The following SHISA9 variants were observed in gnomAD, a reference collection of about 807,000 sequenced individuals.
The protein encoded by SHISA9 is protein shisa-9.
Under a neutral mutation model 38.0 loss-of-function variants are expected in SHISA9, and 13 were observed. That is an observed-to-expected ratio of 0.34 (90% CI 0.22 to 0.54). The LOEUF (loss-of-function observed/expected upper bound fraction) is 0.54, where lower values mean the gene tolerates loss of function less well. SHISA9 is among the 20% of genes least tolerant of loss of function. SHISA9 has a pLI of 0.91. For synonymous variants in SHISA9, 275 were observed against 242.0 expected (o/e 1.14, Z -1.27); for missense variants, 538 against 575.8 (o/e 0.93, Z 0.67).
the SHISA9 span, among the ~76,000 whole-genome samples, chr16:13,303,627 A>G: frequency 6.6e-6 from 1 of 152,202 alleles, no homozygotes. Flanking sequence ...TAAAGGGTGC[A>G]GGATTCCCTT....
chr16:13,234,541 G>C (rs185166207), intron 4 of SHISA9, among the ~76,000 whole-genome samples: 2 of 152,114 alleles, frequency 1.3e-5, no homozygotes, highest in Admixed American at 6.6e-5. Context: ...ACAAACCAGC[G>C]GAGAAAAATC....
At chr16:13,167,833 C>G (rs994168809) in intron 2 of SHISA9, among the ~76,000 whole-genome samples, 5 of 152,194 alleles carry the variant, frequency 3.3e-5, no homozygotes, top group African/African-American at 1.2e-4. Context: ...ATAAATCACC[C>G]AGTCTCAGGT....
intron 2 of SHISA9, among the ~76,000 whole-genome samples, chr16:13,022,335 A>ATT (rs60728108): frequency 2.7e-5 from 4 of 148,304 alleles, no homozygotes; most frequent in Admixed American, 1.3e-4. Flanking sequence ...CATTAAAAAA[A>ATT]TTTTTTTTTT....
At chr16:13,007,982 A>G (rs1324957711) in intron 2 of SHISA9, among the ~76,000 whole-genome samples, 1 of 152,168 alleles carries the variant, frequency 6.6e-6, no homozygotes, top group Admixed American at 6.5e-5. Context: ...ACTCTCCTAC[A>G]CCAGCTGCAG....
chr16:12,986,272 G>C lies in SHISA9; in HGVS notation c.691+69457G>C, dbSNP rs571845068. Among the ~76,000 whole-genome samples the C allele has an allele frequency of 2.0e-5, 3 of 152,158 alleles. No individual in the cohort carries two copies. The South Asian group carries it at 6.2e-4, about 32-fold the overall frequency. ...TTTTTTCCTTTGGACACAGGGAAAG[G>C]GTCTCCCTCTTTCTTTTCCTCTTTC... On this transcript the variant is annotated intron_variant, in intron 2 of 4. Coordinates refer to ENST00000558583, the MANE Select transcript of SHISA9 (RefSeq NM_001145204.3).
the SHISA9 span, among the ~76,000 whole-genome samples, chr16:13,431,871 G>C: frequency 6.6e-6 from 1 of 152,124 alleles, no homozygotes; most frequent in South Asian, 2.1e-4. Flanking sequence ...GACCAGCCTG[G>C]CCAACATAGA....
At chr16:13,359,314 C>G in the SHISA9 span, among the ~76,000 whole-genome samples, 2 of 151,986 alleles carry the variant, frequency 1.3e-5, no homozygotes, top group African/African-American at 4.8e-5. Context: ...AACCCTGTCT[C>G]TACTAAAAAT....
chr16:13,278,878 A>G, the SHISA9 span, among the ~76,000 whole-genome samples: 1 of 151,552 alleles, frequency 6.6e-6, no homozygotes, highest in East Asian at 1.9e-4. Flanking sequence ...TTTTTGTTTC[A>G]TTTATCTTTT....
intron 2 of SHISA9, among the ~76,000 whole-genome samples, chr16:13,040,841 T>C (rs539150932): frequency 1.3e-5 from 2 of 152,092 alleles, no homozygotes; most frequent in African/African-American, 2.4e-5. Flanking sequence ...TAAGAAAACA[T>C]TGTTTGTTTT....
chr16:13,065,631 T>C (rs1373840135), intron 2 of SHISA9, among the ~76,000 whole-genome samples: 1 of 152,268 alleles, frequency 6.6e-6, no homozygotes, highest in African/African-American at 2.4e-5. Flanking sequence ...AAGTTTCTGT[T>C]GCTAAGGAAG....
chr16:13,299,198 C>T, the SHISA9 span, among the ~76,000 whole-genome samples: 1 of 152,186 alleles, frequency 6.6e-6, no homozygotes, highest in African/African-American at 2.4e-5. Context: ...TACTTTGTGG[C>T]TAAGGGTGTA....
intron 2 of SHISA9, among the ~76,000 whole-genome samples, chr16:13,145,278 A>C (rs1480196259): frequency 3.3e-5 from 5 of 152,190 alleles, no homozygotes; most frequent in Non-Finnish European, 5.9e-5. Context: ...TAATCCTAGC[A>C]CTTTGGGAGG....
chr16:13,363,501 G>A, the SHISA9 span, among the ~76,000 whole-genome samples: 2 of 152,186 alleles, frequency 1.3e-5, no homozygotes, highest in African/African-American at 2.4e-5. Context: ...GTCAGCAGCT[G>A]AACTGGGTTT....
the SHISA9 span, among the ~76,000 whole-genome samples, chr16:13,323,284 G>A: frequency 1.6e-4 from 25 of 152,294 alleles, no homozygotes; most frequent in South Asian, 4.2e-4. Flanking sequence ...CTCATGGCCA[G>A]CAGTCAGAGT....
intron 2 of SHISA9, among the ~76,000 whole-genome samples, chr16:13,000,218 T>A (rs1225183090): frequency 6.6e-6 from 1 of 152,010 alleles, no homozygotes; most frequent in Non-Finnish European, 1.5e-5. Context: ...GGGGACAAGC[T>A]GCTTCAATTC....
the SHISA9 span, among the ~76,000 whole-genome samples, chr16:13,291,894 A>G: frequency 6.6e-6 from 1 of 152,160 alleles, no homozygotes; most frequent in African/African-American, 2.4e-5. Context: ...AGATCACAAC[A>G]CATGACTACT....
chr16:12,979,769 GTC>G (rs1308462774), intron 2 of SHISA9, among the ~76,000 whole-genome samples: 3 of 151,924 alleles, frequency 2.0e-5, no homozygotes, highest in African/African-American at 7.3e-5. Context: ...GTTTCTTTCT[GTC>G]TGTTTCACTT....
intron 2 of SHISA9, among the ~76,000 whole-genome samples, chr16:13,048,399 G>A (rs950195162): frequency 6.6e-6 from 1 of 152,094 alleles, no homozygotes; most frequent in Non-Finnish European, 1.5e-5. Context: ...AGCCTTTTGA[G>A]CCACCAAAAA....
At chr16:13,552,454 A>G in the SHISA9 span, among the ~76,000 whole-genome samples, 1 of 152,094 alleles carries the variant, frequency 6.6e-6, no homozygotes, top group Non-Finnish European at 1.5e-5. Flanking sequence ...AACCACCAAG[A>G]CATGGCAGTG....
Sources: gnomAD v4.1 joint callset for allele counts (sites outside exome capture counted in the v4.1 genomes callset) on GRCh38, gnomAD v4.1.1 for gene constraint, MANE v1.5 for transcripts, NCBI Gene and HGNC (gene_info 2026-07-23, HGNC 2026-07-21) for gene names.